The following PPARGC1A variants were observed in gnomAD, a reference collection of about 807,000 sequenced individuals.
The protein encoded by PPARGC1A is peroxisome proliferator-activated receptor gamma coactivator 1-alpha.
In PPARGC1A, 25 loss-of-function variants were observed where a neutral mutation model predicts 88.7. The ratio of observed to expected loss-of-function variants is 0.28; its 90% confidence interval spans 0.21 to 0.39. The LOEUF is 0.39. Ranked by LOEUF, PPARGC1A falls within the 10% of genes least tolerant of loss-of-function variation. PPARGC1A has a pLI of 1.00. For synonymous variants in PPARGC1A, 363 were observed against 355.6 expected (o/e 1.02, Z -0.24); for missense variants, 880 against 968.7 (o/e 0.91, Z 1.22).
At chr4:23,942,072 T>TG in the PPARGC1A span, among the ~76,000 whole-genome samples, 6 of 151,338 alleles carry the variant, frequency 4.0e-5, no homozygotes, top group Admixed American at 6.6e-5. Flanking sequence ...TGAAAGATAG[T>TG]GGGAAAAAAA....
At chr4:24,339,227 T>TACAC in the PPARGC1A span, among the ~76,000 whole-genome samples, 28 of 89,654 alleles carry the variant, frequency 3.1e-4, no homozygotes, top group African/African-American at 1.0e-3. Flanking sequence ...TATATATATA[T>TACAC]ATATATATAT....
chr4:24,462,380 A>G, the PPARGC1A span, among the ~76,000 whole-genome samples: 2 of 151,644 alleles, frequency 1.3e-5, no homozygotes, highest in Non-Finnish European at 2.9e-5. Context: ...TACAGGTGTG[A>G]GCCACCGCGC....
intron 7 of PPARGC1A, among the ~76,000 whole-genome samples, chr4:23,817,612 C>G (rs917178037): frequency 6.6e-6 from 1 of 152,088 alleles, no homozygotes; most frequent in East Asian, 1.9e-4. Flanking sequence ...GAAATTTCTG[C>G]GGGCACCATT....
the PPARGC1A span, among the ~76,000 whole-genome samples, chr4:24,130,803 A>G: frequency 3.3e-3 from 506 of 152,070 alleles, 3 homozygotes; most frequent in South Asian, 6.7e-3. Context: ...GTCAGCAGCC[A>G]CTCACCACCC....
chr4:24,005,631 A>G, the PPARGC1A span, among the ~76,000 whole-genome samples: 7 of 152,208 alleles, frequency 4.6e-5, no homozygotes, highest in Admixed American at 6.5e-5. Flanking sequence ...GGAGGTTTCC[A>G]TATTTGAGGA....
At chr4:24,116,773 A>G in the PPARGC1A span, among the ~76,000 whole-genome samples, 1 of 152,198 alleles carries the variant, frequency 6.6e-6, no homozygotes. Context: ...TAAAGCTCAG[A>G]CTGGATTCTG....
chr4:23,956,128 T>C, the PPARGC1A span, among the ~76,000 whole-genome samples: 960 of 152,228 alleles, frequency 6.3e-3, 17 homozygotes, highest in African/African-American at 0.022. Flanking sequence ...CTTAAAAATA[T>C]AAAAACCATT....
chr4:24,167,671 T>C, the PPARGC1A span, among the ~76,000 whole-genome samples: 3 of 152,144 alleles, frequency 2.0e-5, no homozygotes, highest in Non-Finnish European at 4.4e-5. Context: ...GGCAAAACCT[T>C]CCACCACCAA....
the PPARGC1A span, among the ~76,000 whole-genome samples, chr4:24,311,370 G>A: frequency 6.7e-6 from 1 of 149,166 alleles, no homozygotes; most frequent in Non-Finnish European, 1.5e-5. Flanking sequence ...CAAAGTGCTG[G>A]GATTACAGGC....
At chr4:24,184,481 AG>A in the PPARGC1A span, among the ~76,000 whole-genome samples, 2 of 152,312 alleles carry the variant, frequency 1.3e-5, no homozygotes, top group Admixed American at 6.5e-5. Flanking sequence ...GAGGTGCCTT[AG>A]TTTTACAACT....
At chr4:24,085,394 A>G in the PPARGC1A span, among the ~76,000 whole-genome samples, 12 of 152,356 alleles carry the variant, frequency 7.9e-5, no homozygotes, top group Admixed American at 7.8e-4. Flanking sequence ...AAAGGTAAGT[A>G]TCTTCCTTTT....
the PPARGC1A span, among the ~76,000 whole-genome samples, chr4:24,019,372 T>A: frequency 1.3e-5 from 2 of 152,306 alleles, no homozygotes; most frequent in East Asian, 3.9e-4. Flanking sequence ...TAACTCCAGT[T>A]TTACAGGTTA....
At chr4:24,366,451 G>A in the PPARGC1A span, among the ~76,000 whole-genome samples, 3 of 152,228 alleles carry the variant, frequency 2.0e-5, no homozygotes, top group South Asian at 6.2e-4. Flanking sequence ...TCAACTACCA[G>A]TGATCGAGCA....
chr4:23,963,151 T>C, the PPARGC1A span, among the ~76,000 whole-genome samples: 4 of 152,180 alleles, frequency 2.6e-5, no homozygotes, highest in Admixed American at 6.5e-5. Context: ...AATCAGCTTC[T>C]AAAACACAGG....
the PPARGC1A span, among the ~76,000 whole-genome samples, chr4:24,088,709 T>G: frequency 6.6e-6 from 1 of 152,242 alleles, no homozygotes; most frequent in Non-Finnish European, 1.5e-5. Context: ...TCTTAATGAT[T>G]CAGAGATTGA....
the PPARGC1A span, among the ~76,000 whole-genome samples, chr4:24,141,150 A>G: frequency 2.6e-5 from 4 of 152,100 alleles, no homozygotes; most frequent in African/African-American, 9.6e-5. Context: ...CAAAAGCAGA[A>G]AAAAATCCCT....
At chr4:24,133,749 A>G in the PPARGC1A span, among the ~76,000 whole-genome samples, 2 of 152,158 alleles carry the variant, frequency 1.3e-5, no homozygotes, top group African/African-American at 4.8e-5. Context: ...GCACAAGGGG[A>G]CATTATTCAG....
At chr4:24,154,815 A>AC in the PPARGC1A span, among the ~76,000 whole-genome samples, 1 of 152,232 alleles carries the variant, frequency 6.6e-6, no homozygotes, top group African/African-American at 2.4e-5. Context: ...AACCAGCATT[A>AC]TAAAGGCAGG....
At chr4:24,274,440 G>A in the PPARGC1A span, among the ~76,000 whole-genome samples, 1 of 152,174 alleles carries the variant, frequency 6.6e-6, no homozygotes, top group Non-Finnish European at 1.5e-5. Context: ...GGGCCAGCTG[G>A]TCTCCTTCGT....
Sources: allele counts gnomAD v4.1 joint callset (sites outside exome capture counted in the v4.1 genomes callset), GRCh38; gene constraint gnomAD v4.1.1; transcripts MANE v1.5; gene names NCBI Gene and HGNC (gene_info 2026-07-23, HGNC 2026-07-21).